Variants in APP observed in about 807,000 individuals in gnomAD.
APP encodes the protein amyloid-beta precursor protein.
Under a neutral mutation model 101.4 loss-of-function variants are expected in APP, and 31 were observed. The observed-to-expected ratio is 0.31, with a 90% confidence interval of 0.23 to 0.41. The LOEUF is 0.41. Among genes scored for constraint, APP ranks in the 10% least tolerant of loss-of-function variants. The pLI is 1.00. For synonymous variants in APP, 366 were observed against 364.4 expected, an observed-to-expected ratio of 1.00 and a Z score of -0.05; for missense variants, 839 against 1,003.7, an observed-to-expected ratio of 0.84 and a Z score of 2.22.
chr21:25,946,857 C>T (rs1195345486), intron 13 of APP, among the ~76,000 whole-genome samples: 3 of 152,032 alleles, frequency 2.0e-5, no homozygotes, highest in Non-Finnish European at 4.4e-5. Flanking sequence ...TTTCTGCCAG[C>T]GTCCATTTGG....
At chr21:26,014,305 G>A (rs553935006) in intron 6 of APP, among the ~76,000 whole-genome samples, 4 of 152,166 alleles carry the variant, frequency 2.6e-5, no homozygotes, top group Admixed American at 2.6e-4. Flanking sequence ...AGGATACCTT[G>A]TAAGTGTCAT....
At chr21:25,980,616 T>C (rs1179559247) in intron 9 of APP, among the ~76,000 whole-genome samples, 1 of 152,188 alleles carries the variant, frequency 6.6e-6, no homozygotes, top group African/African-American at 2.4e-5. Context: ...CTCTTTATGT[T>C]ATTATACCAA....
At chr21:26,059,511 C>G (rs1006767589) in intron 3 of APP, among the ~76,000 whole-genome samples, 3 of 152,162 alleles carry the variant, frequency 2.0e-5, no homozygotes, top group African/African-American at 7.2e-5. Flanking sequence ...AACTGTGTGC[C>G]TGCCACCACC....
In APP at chr21:25,976,870, G is replaced by A. The variant is rs559644250; in HGVS notation, c.1225-842C>T. On this transcript the variant is annotated intron_variant, in intron 9 of 17. Coordinates refer to ENST00000346798, the MANE Select transcript of APP (RefSeq NM_000484.4). ...AATTAGTATCATTATGGGGGGAGTG[G>A]GTTTGTTATTGTGAGAAGTGGGTTG... 4.6e-4 allele frequency among the ~76,000 whole-genome samples: 70 copies of A among 152,132 alleles called. 1 individual carries two copies. The highest frequency in any genetic ancestry group is 1.7e-3 in the African/African-American group (70 of 41,492).
At chr21:25,924,429 G>GAAAAAAAAAAAAAAAAAAA (rs1338097815) in intron 13 of APP, among the ~76,000 whole-genome samples, 1 of 53,666 alleles carries the variant, frequency 1.9e-5, no homozygotes, top group Non-Finnish European at 3.1e-5. Flanking sequence ...AAAAAAAAAG[G>GAAAAAAAAAAAAAAAAAAA]AAAAAAAAAA....
At chr21:26,015,976 G>A (rs2044039413) in intron 6 of APP, among the ~76,000 whole-genome samples, 1 of 151,932 alleles carries the variant, frequency 6.6e-6, no homozygotes, top group East Asian at 1.9e-4. Context: ...GGCTATTTTT[G>A]GCCCCAATTT....
intron 3 of APP, among the ~76,000 whole-genome samples, chr21:26,086,945 C>T (rs1034985459): frequency 1.3e-5 from 2 of 152,210 alleles, no homozygotes; most frequent in Admixed American, 6.5e-5. Context: ...TTCAACCTCT[C>T]TGGATCTTGG....
intron 8 of APP, among the ~76,000 whole-genome samples, chr21:25,985,751 T>C (rs969382478): frequency 6.6e-6 from 1 of 152,184 alleles, no homozygotes; most frequent in African/African-American, 2.4e-5. Flanking sequence ...AAATCTTTGT[T>C]AACAGTCCCA....
At chr21:26,027,480 T>C (rs1568877224) in intron 5 of APP, among the ~76,000 whole-genome samples, 1 of 152,212 alleles carries the variant, frequency 6.6e-6, no homozygotes, top group Non-Finnish European at 1.5e-5. Flanking sequence ...TAGGAAAATG[T>C]TTCCGGGGAG....
intron 5 of APP, among the ~76,000 whole-genome samples, chr21:26,048,099 G>A (rs1305089442): frequency 2.6e-5 from 4 of 151,788 alleles, no homozygotes; most frequent in African/African-American, 4.8e-5. Context: ...GGTGGATGAC[G>A]AGGTCAGGAG....
intron 2 of APP, among the ~76,000 whole-genome samples, chr21:26,109,011 C>T (rs2062249767): frequency 6.6e-6 from 1 of 152,208 alleles, no homozygotes; most frequent in Non-Finnish European, 1.5e-5. Flanking sequence ...TTGGCCCTTT[C>T]TTACTTATGG....
At chr21:26,091,132 G>GT (rs2061814479) in intron 2 of APP, among the ~76,000 whole-genome samples, 1 of 152,232 alleles carries the variant, frequency 6.6e-6, no homozygotes, top group Non-Finnish European at 1.5e-5. Flanking sequence ...CAGGGTGGTT[G>GT]TTTTGCCAGA....
chr21:25,980,381 T>C (rs1484945558), intron 9 of APP, among the ~76,000 whole-genome samples: 1 of 152,218 alleles, frequency 6.6e-6, no homozygotes, highest in Admixed American at 6.5e-5. Context: ...AATGAGGACA[T>C]TTCAGTGGCA....
chr21:26,113,765 T>C (rs1033493936), intron 1 of APP, among the ~76,000 whole-genome samples: 3 of 152,250 alleles, frequency 2.0e-5, no homozygotes, highest in African/African-American at 7.2e-5. Flanking sequence ...GCTCTATAAA[T>C]TTAAATTTCA....
chr21:25,969,854 C>CAAAAGAAAAGAAAAGAAAAG lies in APP; in HGVS notation c.1458+5196_1458+5215dup, dbSNP rs541544438. Among the ~76,000 whole-genome samples the CAAAAGAAAAGAAAAGAAAAG allele has an allele frequency of 8.5e-3, 625 of 73,338 alleles. 12 individuals are homozygous for CAAAAGAAAAGAAAAGAAAAG. The highest frequency in any genetic ancestry group is 0.029 in the African/African-American group (589 of 20,260). 48.1% of individuals were successfully genotyped at this position (73,338 alleles called of 152,430 possible). On this transcript the variant is annotated intron_variant, in intron 11 of 17. Coordinates refer to ENST00000346798, the MANE Select transcript of APP (RefSeq NM_000484.4). ...ACCCTGAAAAGAAAAGAAAAGAAAA[C>CAAAAGAAAAGAAAAGAAAAG]AAAAGAAAAGAAAAGAAAAGAGAAA...
At chr21:26,101,876 T>C (rs1170381691) in intron 2 of APP, among the ~76,000 whole-genome samples, 2 of 152,124 alleles carry the variant, frequency 1.3e-5, no homozygotes, top group East Asian at 1.9e-4. Flanking sequence ...ATTGTATTAA[T>C]AGATTTATAA....
chr21:25,897,537 A>T, intron 16 of APP, 36 bp downstream of exon 16: 1 of 1,496,708 alleles, frequency 6.7e-7, no homozygotes, highest in Non-Finnish European at 9.3e-7. Flanking sequence ...TTGGCAAGAC[A>T]AACAGTAGTG....
At chr21:25,891,094 C>A (rs2037667371) in intron 17 of APP, among the ~76,000 whole-genome samples, 1 of 152,232 alleles carries the variant, frequency 6.6e-6, no homozygotes, top group Non-Finnish European at 1.5e-5. Flanking sequence ...TTCTCTCTTT[C>A]TTGTTTTAGT....
intron 16 of APP, among the ~76,000 whole-genome samples, chr21:25,895,372 G>A (rs1459504741): frequency 2.0e-5 from 3 of 152,040 alleles, no homozygotes; most frequent in Admixed American, 6.6e-5. Flanking sequence ...CACCATGTTG[G>A]CCAGGATGCT....
Sources: gnomAD v4.1 joint callset for allele counts (sites outside exome capture counted in the v4.1 genomes callset) on GRCh38, gnomAD v4.1.1 for gene constraint, MANE v1.5 for transcripts, NCBI Gene and HGNC (gene_info 2026-07-23, HGNC 2026-07-21) for gene names.